The following TEX2 variants were observed in gnomAD, a reference collection of about 807,000 sequenced individuals.
TEX2 encodes the protein testis-expressed protein 2.
Under a neutral mutation model 106.9 loss-of-function variants are expected in TEX2, and 53 were observed. That is an observed-to-expected ratio of 0.50 (90% CI 0.40 to 0.62). The LOEUF (loss-of-function observed/expected upper bound fraction) is 0.62, where lower values mean the gene tolerates loss of function less well. TEX2 is among the 20% of genes least tolerant of loss of function. The probability of loss-of-function intolerance (pLI) is 0.00; values close to 1 mark genes in which losing one functional copy is unlikely to be tolerated. For missense variants in TEX2, 1,207 were observed against 1,379.0 expected, an observed-to-expected ratio of 0.88 and a Z score of 1.98; for synonymous variants, 523 against 534.8, an observed-to-expected ratio of 0.98 and a Z score of 0.30.
chr17:64,252,848 A>G (rs1555637187), intron 1 of TEX2, among the ~76,000 whole-genome samples: 1 of 152,216 alleles, frequency 6.6e-6, no homozygotes, highest in African/African-American at 2.4e-5. Context: ...ACAAACTGTG[A>G]TGAGTGCTAC....
chr17:64,208,249 G>GT (rs1334104271), intron 2 of TEX2, among the ~76,000 whole-genome samples: 5 of 151,570 alleles, frequency 3.3e-5, no homozygotes, highest in Non-Finnish European at 7.4e-5. Context: ...TTTTTGTTTT[G>GT]TTTTTTTGAG....
chr17:64,252,400 C>G (rs1555637108), intron 1 of TEX2, among the ~76,000 whole-genome samples: 1 of 152,028 alleles, frequency 6.6e-6, no homozygotes, highest in African/African-American at 2.4e-5. Flanking sequence ...GCAGCCTGGA[C>G]CTCCCAGGCT....
At position 64,212,741 on chromosome 17, in the gene TEX2, G is replaced by A; in HGVS notation, c.1477C>T (p.His493Tyr). The A allele has an allele frequency of 6.8e-6, 11 of 1,614,148 alleles. No homozygotes were observed. Among genetic ancestry groups the A allele is most frequent in the Non-Finnish European group, 9.3e-6 (11 of 1,180,024 alleles). Reference protein sequence around the residue: ...VYVYLILPLPHYVSGLFLGIG... With the variant: ...VYVYLILPLPYYVSGLFLGIG... ...CCCAGAAAGAGTCCACTCACATAGT[G>A]GGGGAGGGGGAGGATGAGGTACACA... is the stretch of plus-strand genomic sequence containing the variant. The change falls in exon 2 of 12, where the codon CAC (histidine) becomes TAC (tyrosine). Residue 493 changes from histidine to tyrosine, a missense_variant. By Grantham distance (83) the His-to-Tyr change is moderately conservative (BLOSUM62 2). Around this residue, in one of 3 missense-constraint regions of TEX2, gnomAD observed 1,067 missense variants for 1,193.6 expected, o/e 0.89. Transcript: ENST00000584379.
intron 2 of TEX2, among the ~76,000 whole-genome samples, chr17:64,212,343 T>C: frequency 6.6e-6 from 1 of 152,206 alleles, no homozygotes; most frequent in East Asian, 1.9e-4. Flanking sequence ...CACTATTCTC[T>C]AGAGTCACAG....
chr17:64,261,377 T>C (rs539089673), intron 1 of TEX2, among the ~76,000 whole-genome samples: 2 of 152,336 alleles, frequency 1.3e-5, no homozygotes, highest in Admixed American at 6.5e-5. Context: ...GCCTAATCTT[T>C]CCTGCTTCTT....
intron 1 of TEX2, among the ~76,000 whole-genome samples, chr17:64,251,246 A>G (rs1165589193): frequency 6.6e-6 from 1 of 152,150 alleles, no homozygotes; most frequent in East Asian, 1.9e-4. Flanking sequence ...GGTGTTCCCA[A>G]TCAGCTTTGG....
At chr17:64,177,552 A>G in intron 5 of TEX2, 81 bp from the exon 6 acceptor site, 1 of 1,482,058 alleles carries the variant, frequency 6.7e-7, no homozygotes, top group Admixed American at 2.1e-5. Context: ...AAGTCACTGA[A>G]GGTCCCTCCT....
intron 1 of TEX2, among the ~76,000 whole-genome samples, chr17:64,232,905 C>T (rs2218494): frequency 3.9e-5 from 6 of 152,164 alleles, no homozygotes; most frequent in African/African-American, 1.4e-4. Context: ...TCAGCTCCAC[C>T]TAACAGACTG....
chr17:64,148,965 C>T lies in TEX2; in HGVS notation c.*4G>A, dbSNP rs370493262. 154 of 1,613,972 alleles carry T rather than the reference C, an allele frequency of 9.5e-5. No homozygotes were observed. The highest frequency in any genetic ancestry group is 1.2e-4 in the Non-Finnish European group (146 of 1,179,972). ...ACAATATGGGGAACATCTGACATCA[C>T]CCATCATGGCTGATCAGCAGCCTCC... is the stretch of plus-strand genomic sequence containing the variant. On this transcript the variant is annotated 3_prime_UTR_variant, in exon 12 of 12. Coordinates refer to ENST00000584379, the MANE Select transcript of TEX2 (RefSeq NM_001288732.2).
At chr17:64,154,093 G>A (rs2143608875) in intron 9 of TEX2, among the ~76,000 whole-genome samples, 1 of 152,312 alleles carries the variant, frequency 6.6e-6, no homozygotes, top group Non-Finnish European at 1.5e-5. Context: ...AAAAGTATGT[G>A]TTCAGGGAAA....
At chr17:64,152,904 T>C (rs2030425607) in intron 10 of TEX2, 41 bp downstream of exon 10, 1 of 1,588,570 alleles carries the variant, frequency 6.3e-7, no homozygotes, top group South Asian at 1.1e-5. Flanking sequence ...GGCCATGCAA[T>C]AGGAGGAATC....
intron 8 of TEX2, chr17:64,155,177 A>G (rs914663755): frequency 2.1e-6 from 1 of 483,474 alleles, no homozygotes. Flanking sequence ...GACACTCTTC[A>G]GCACCAAGGC....
chr17:64,220,342 A>G (rs2033322511), intron 1 of TEX2, among the ~76,000 whole-genome samples: 1 of 152,222 alleles, frequency 6.6e-6, no homozygotes, highest in South Asian at 2.1e-4. Flanking sequence ...CAACAAAAGC[A>G]AAAACTGACA....
chr17:64,247,042 C>A (rs1445068685), intron 1 of TEX2, among the ~76,000 whole-genome samples: 1 of 152,172 alleles, frequency 6.6e-6, no homozygotes, highest in Non-Finnish European at 1.5e-5. Flanking sequence ...CTTTGGGAGG[C>A]TGAGGTGGGC....
chr17:64,221,632 A>C (rs782131866), intron 1 of TEX2, among the ~76,000 whole-genome samples: 1 of 152,230 alleles, frequency 6.6e-6, no homozygotes, highest in Non-Finnish European at 1.5e-5. Context: ...GAAGTTTCTC[A>C]AAAGTTAAAA....
chr17:64,152,558 A>C (rs1393648977), intron 10 of TEX2, among the ~76,000 whole-genome samples: 2 of 152,204 alleles, frequency 1.3e-5, no homozygotes, highest in African/African-American at 2.4e-5. Context: ...ACAGGATGCT[A>C]TGAGGACTAA....
chr17:64,189,747 C>T (rs894248880), intron 4 of TEX2, among the ~76,000 whole-genome samples: 16 of 152,076 alleles, frequency 1.1e-4, no homozygotes, highest in South Asian at 2.1e-4. Flanking sequence ...TTTGGGAGGC[C>T]GAGACAGATG....
At chr17:64,216,749 G>A (rs577840188) in intron 1 of TEX2, among the ~76,000 whole-genome samples, 6 of 152,328 alleles carry the variant, frequency 3.9e-5, no homozygotes, top group Admixed American at 1.3e-4. Flanking sequence ...TTTTTCGTGT[G>A]GAGGTCACCA....
chr17:64,193,462 G>GGCTTGCTT, intron 4 of TEX2, 97 bp downstream of exon 4: 1 of 1,001,606 alleles, frequency 1.0e-6, no homozygotes, highest in Non-Finnish European at 1.4e-6. Flanking sequence ...GTTCAGGGTG[G>GGCTTGCTT]GCTTCCTTCC....
Sources: allele counts gnomAD v4.1 joint callset (sites outside exome capture counted in the v4.1 genomes callset), GRCh38; gene constraint gnomAD v4.1.1; regional missense constraint gnomAD v4.1.1; transcripts MANE v1.5; gene names NCBI Gene and HGNC (gene_info 2026-07-23, HGNC 2026-07-21).